DGKB: variants seen among roughly 807,000 people sequenced by gnomAD.
DGKB encodes the protein 90 kDa diacylglycerol kinase.
Under a neutral mutation model 114.3 loss-of-function variants are expected in DGKB, and 67 were observed. That is an observed-to-expected ratio of 0.59 (90% CI 0.48 to 0.72). The LOEUF (loss-of-function observed/expected upper bound fraction) is 0.72, where lower values mean the gene tolerates loss of function less well. DGKB is among the 30% of genes least tolerant of loss of function. The pLI, the probability that DGKB is intolerant of heterozygous loss-of-function variation, is 0.00. For missense variants in DGKB, 907 were observed against 975.2 expected (o/e 0.93, Z 0.93); for synonymous variants, 398 against 323.1 (o/e 1.23, Z -2.49).
intron 2 of DGKB, among the ~76,000 whole-genome samples, chr7:14,793,061 A>G (rs1165612834): frequency 1.3e-5 from 2 of 152,286 alleles, no homozygotes; most frequent in South Asian, 2.1e-4. Flanking sequence ...TTTTGCAAAA[A>G]GACTGCCCCT....
At chr7:14,277,906 G>A (rs915400841) in intron 23 of DGKB, among the ~76,000 whole-genome samples, 2 of 152,034 alleles carry the variant, frequency 1.3e-5, no homozygotes, top group African/African-American at 4.8e-5. Context: ...CATGGGTTCC[G>A]TTTTCTCCAC....
intron 21 of DGKB, among the ~76,000 whole-genome samples, chr7:14,428,453 G>A (rs1827918791): frequency 6.6e-6 from 1 of 152,150 alleles, no homozygotes; most frequent in Admixed American, 6.6e-5. Context: ...GGGGTATGAG[G>A]AAGTGAGAGG....
intron 21 of DGKB, among the ~76,000 whole-genome samples, chr7:14,404,783 G>GAGGAGGAC (rs1823672519): frequency 6.6e-6 from 1 of 151,564 alleles, no homozygotes; most frequent in Non-Finnish European, 1.5e-5. Flanking sequence ...TTCTTGAATT[G>GAGGAGGAC]CTCCTCCTGC....
At chr7:14,825,095 A>G (rs1183119042) in intron 2 of DGKB, among the ~76,000 whole-genome samples, 1 of 142,572 alleles carries the variant, frequency 7.0e-6, no homozygotes, top group African/African-American at 2.6e-5. Context: ...TAGAGCATTA[A>G]TTTATCAATA....
At chr7:14,345,090 A>G (rs538749291) in intron 22 of DGKB, among the ~76,000 whole-genome samples, 21 of 151,672 alleles carry the variant, frequency 1.4e-4, no homozygotes, top group African/African-American at 4.6e-4. Context: ...CTTTTATACT[A>G]TAATAAAATA....
intron 21 of DGKB, among the ~76,000 whole-genome samples, chr7:14,433,126 C>G (rs1468376346): frequency 6.6e-6 from 1 of 152,166 alleles, no homozygotes; most frequent in Non-Finnish European, 1.5e-5. Context: ...AGGTCACACA[C>G]TCTCCCTGGG....
intron 15 of DGKB, among the ~76,000 whole-genome samples, chr7:14,619,901 G>C (rs760501399): frequency 2.2e-4 from 34 of 151,650 alleles, no homozygotes; most frequent in Non-Finnish European, 3.8e-4. Context: ...TCCCATCTGT[G>C]ATGAGAAGTA....
Position 14,948,010 on chromosome 7 carries a change from GT to G in DGKB, c.-188+26685del, listed in dbSNP as rs1188728477. 5.9e-5 allele frequency among the ~76,000 whole-genome samples: 9 copies of G among 151,712 alleles called. No individual in the cohort carries two copies. In the East Asian group the frequency reaches 1.7e-3, roughly 29 times the overall value. ...CACACCTGAAGCAACAGTTTACGTG[GT>G]TGCTCAGAGGGAATGGTTATATTTT... On this transcript the variant is annotated intron_variant, in intron 1 of 4. Transcript: ENST00000437998.
chr7:14,680,819 C>T (rs940077101), intron 12 of DGKB, among the ~76,000 whole-genome samples: 2 of 151,798 alleles, frequency 1.3e-5, no homozygotes, highest in Non-Finnish European at 2.9e-5. Flanking sequence ...TTAGAAAAGG[C>T]AGCAATGCAT....
At chr7:14,443,000 A>G (rs1197688698) in intron 21 of DGKB, among the ~76,000 whole-genome samples, 1 of 152,172 alleles carries the variant, frequency 6.6e-6, no homozygotes, top group Non-Finnish European at 1.5e-5. Flanking sequence ...TTCTTGAAAC[A>G]TAGCATCACT....
In DGKB at chr7:14,484,483, TC is replaced by T. The variant is rs547079273; in HGVS notation, c.1771-6259del. Among the ~76,000 whole-genome samples the T allele has an allele frequency of 2.8e-3, 424 of 152,250 alleles. 1 individual carries two copies. Among genetic ancestry groups the T allele is most frequent in the Middle Eastern group, 6.8e-3 (2 of 294 alleles). On this transcript the variant is annotated intron_variant, in intron 20 of 25. Transcript: ENST00000402815. ...GGGTGAGTTCTCATGAGATCTGGCTTCCTAAAGTGTGTGGCATCTCCCCCCA... is the reference window on the plus strand; with the variant it reads ...GGGTGAGTTCTCATGAGATCTGGCTTCTAAAGTGTGTGGCATCTCCCCCCA...
In DGKB at chr7:14,674,569, T is replaced by C. The variant is rs535417381; in HGVS notation, c.1036-1542A>G. ...CAAAAGATATGCTGAAGTCCTAACT[T>C]CTGGGACCTTTGAATGTGAACTTAA... On this transcript the variant is annotated intron_variant, in intron 12 of 25. Transcript: ENST00000402815. 5.9e-5 allele frequency among the ~76,000 whole-genome samples: 9 copies of C among 152,250 alleles called. No individual in the cohort carries two copies. In the South Asian group the frequency reaches 1.9e-3, roughly 32 times the overall value.
intron 1 of DGKB, among the ~76,000 whole-genome samples, chr7:14,973,257 A>C (rs1787582373): frequency 6.6e-6 from 1 of 151,974 alleles, no homozygotes; most frequent in South Asian, 2.1e-4. Context: ...ATTTTTATTT[A>C]AAATACTATT....
chr7:14,819,183 G>A (rs1488496169), intron 2 of DGKB, among the ~76,000 whole-genome samples: 1 of 151,966 alleles, frequency 6.6e-6, no homozygotes, highest in East Asian at 1.9e-4. Flanking sequence ...AGTACCTAGT[G>A]TGTATAACCC....
intron 21 of DGKB, among the ~76,000 whole-genome samples, chr7:14,428,406 G>T (rs1827909406): frequency 6.6e-6 from 1 of 152,048 alleles, no homozygotes; most frequent in Non-Finnish European, 1.5e-5. Context: ...CTGAGGTATT[G>T]AAATACTGAT....
intron 1 of DGKB, among the ~76,000 whole-genome samples, chr7:14,954,103 T>A (rs1366352598): frequency 1.3e-5 from 2 of 152,130 alleles, no homozygotes; most frequent in African/African-American, 4.8e-5. Context: ...TTACCTATTC[T>A]GAGGCTTACA....
chr7:14,815,010 T>C (rs1843923108), intron 2 of DGKB, among the ~76,000 whole-genome samples: 1 of 152,226 alleles, frequency 6.6e-6, no homozygotes, highest in South Asian at 2.1e-4. Context: ...GTTAATCCTT[T>C]TCCTGTCATT....
At chr7:14,314,562 G>T (rs4421268) in intron 23 of DGKB, among the ~76,000 whole-genome samples, 53 of 151,844 alleles carry the variant, frequency 3.5e-4, no homozygotes, top group Non-Finnish European at 5.3e-4. Context: ...TGAAATGAAG[G>T]GAGAAGGAAA....
At chr7:14,393,893 A>G (rs547472484) in intron 21 of DGKB, among the ~76,000 whole-genome samples, 98 of 152,286 alleles carry the variant, frequency 6.4e-4, no homozygotes, top group African/African-American at 2.2e-3. Context: ...ATCACCTTAG[A>G]GCCATGCAAC....
Sources: gnomAD v4.1 joint callset for allele counts (sites outside exome capture counted in the v4.1 genomes callset) on GRCh38, gnomAD v4.1.1 for gene constraint, MANE v1.5 for transcripts, NCBI Gene and HGNC (gene_info 2026-07-23, HGNC 2026-07-21) for gene names.